BAHCC1: variants seen among roughly 807,000 people sequenced by gnomAD.
BAHCC1 encodes BAH domain and coiled-coil containing 1.
In BAHCC1, 43 loss-of-function variants were observed where a neutral mutation model predicts 88.2. The observed-to-expected ratio is 0.49, with a 90% CI of 0.38 to 0.63. BAHCC1 has a LOEUF of 0.63. BAHCC1 is among the 20% of genes least tolerant of loss of function. BAHCC1 has a pLI of 0.00. For synonymous variants in BAHCC1, 1,510 were observed against 745.5 expected (o/e 2.03, Z -16.71); for missense variants, 3,023 against 1,654.8 (o/e 1.83, Z -14.34).
At chr17:81,438,698 TTCAGTTCCCAGGTCACGCTGTC>T (rs1361697598) in intron 4 of BAHCC1, among the ~76,000 whole-genome samples, 1 of 152,086 alleles carries the variant, frequency 6.6e-6, no homozygotes, top group Admixed American at 6.5e-5. Flanking sequence ...CAGGCGCAGG[TTCAGTTCCCAGGTCACGCTGTC>T]TCAAGACCTC....
chr17:81,453,818 CCTCA>C (rs1386718464), intron 14 of BAHCC1, among the ~76,000 whole-genome samples: 1 of 152,240 alleles, frequency 6.6e-6, no homozygotes. Context: ...CACCTCCTGC[CCTCA>C]CTCATCCAGG....
intron 2 of BAHCC1, chr17:81,401,704 C>G (rs1398325780): frequency 6.6e-6 from 1 of 152,318 alleles, no homozygotes; most frequent in East Asian, 1.9e-4. Flanking sequence ...TCCAGCCTGG[C>G]AAGTAACAGC....
Position 81,411,081 on chromosome 17 carries a change from C to T in BAHCC1, c.178+11164C>T. On this transcript the variant is annotated intron_variant, in intron 2 of 27. Transcript: ENST00000675386. The surrounding 1 kb of genome is among the most constrained non-coding windows in gnomAD (Gnocchi z 6.2). The stretch of plus-strand genomic sequence containing the variant: ...CCTCGGGCCTGAGGGGTCCCTCTCT[C>T]TGGGGTCACGCTCCCTTGTTCTCAG... 2 of 519,384 alleles carry T rather than the reference C, an allele frequency of 3.9e-6. No homozygotes were observed. Among genetic ancestry groups the T allele is most frequent in the South Asian group, 2.8e-5 (2 of 71,576 alleles). 32.2% of individuals were successfully genotyped at this position (519,384 alleles called of 1,614,324 possible).
Position 81,456,453 on chromosome 17 carries a change from C to T in BAHCC1, c.4726C>T (p.Arg1576Trp), listed in dbSNP as rs2064751573. ...QKEATPGGRI[R>W]EKLSRAKSAK... ...GGAGGCTACCCCCGGGGGGCGCATC[C>T]GGGAGAAGCTGTCCCGAGCCAAGAG... Residue 1576 changes from arginine to tryptophan, a missense_variant, in exon 16 of 28, where the codon CGG becomes TGG. Coordinates refer to ENST00000675386, the MANE Select transcript of BAHCC1 (RefSeq NM_001377448.1). The T allele has an allele frequency of 9.7e-6, 7 of 722,082 alleles. No homozygotes were observed. Among genetic ancestry groups the T allele is most frequent in the Non-Finnish European group, 1.3e-5 (5 of 388,048 alleles). 44.7% of individuals were successfully genotyped at this position (722,082 alleles called of 1,614,324 possible). A position where few individuals can be genotyped will look rare whatever the true frequency, so the allele number is the denominator to read the frequency against.
chr17:81,414,777 G>A (rs1301018180), intron 2 of BAHCC1, among the ~76,000 whole-genome samples: 8 of 152,172 alleles, frequency 5.3e-5, no homozygotes, highest in South Asian at 2.1e-4. Flanking sequence ...CCAAGGCCCC[G>A]GGACGGGGTG....
At chr17:81,403,325 C>A (rs1555646363) in intron 2 of BAHCC1, among the ~76,000 whole-genome samples, 1 of 152,194 alleles carries the variant, frequency 6.6e-6, no homozygotes, top group Admixed American at 6.5e-5. Context: ...CCTCCCGCCC[C>A]TTCTCTTGTC....
intron 2 of BAHCC1, among the ~76,000 whole-genome samples, chr17:81,405,247 G>A (rs2063864525): frequency 6.6e-6 from 1 of 152,074 alleles, no homozygotes; most frequent in African/African-American, 2.4e-5. Flanking sequence ...TGTATTTTTA[G>A]TAGAGACGGG....
intron 13 of BAHCC1, 26 bp downstream of exon 13, chr17:81,452,133 TGGGAGGGTCGCAGCACCCCCACCCCC>T (rs142997686): frequency 0.36 from 214,892 of 589,786 alleles, 40,406 homozygotes; most frequent in Non-Finnish European, 0.38. Flanking sequence ...CGGGGGGGCC[TGGGAGGGTCGCAGCACCCCCACCCCC>T]GGGAGGCGCC....
At chr17:81,426,765 C>T (rs1031878187) in intron 2 of BAHCC1, 35 bp from the exon 3 acceptor site, 13 of 398,438 alleles carry the variant, frequency 3.3e-5, no homozygotes, top group African/African-American at 2.7e-4. Context: ...ACCCTGGGAG[C>T]TGCCCCCAGA....
rs2063951961 is a variant in BAHCC1 at position 81,411,510 on chromosome 17, G to GCCTTCCTT, written c.178+11596_178+11597insTCCTTCCT. 46 of 241,066 alleles carry GCCTTCCTT rather than the reference G, an allele frequency of 1.9e-4. No individual in the cohort carries two copies. The highest frequency in any genetic ancestry group is 7.1e-4 in the African/African-American group (18 of 25,214). The allele number at this position is 241,066 out of a possible 1,614,324, so 14.9% of individuals were successfully genotyped here. A position where few individuals can be genotyped will look rare whatever the true frequency, so the allele number is the denominator to read the frequency against. On this transcript the variant is annotated intron_variant, in intron 2 of 27. Transcript: ENST00000675386. This position sits in a 1 kb window ranked among gnomAD's most constrained non-coding sequence, Gnocchi z 6.2. ...TGCCTGCCTGCCTGCCTGCCTGCCTGCCTGCCTTCCTTCCTTCCTTCCTTC... is the reference window on the plus strand; with the variant it reads ...TGCCTGCCTGCCTGCCTGCCTGCCTGCCTTCCTTCCTGCCTTCCTTCCTTCCTTCCTTC...
At chr17:81,415,983 T>C (rs1555648596) in intron 2 of BAHCC1, among the ~76,000 whole-genome samples, 1 of 152,142 alleles carries the variant, frequency 6.6e-6, no homozygotes, top group Non-Finnish European at 1.5e-5. Context: ...CGTGTGCGTG[T>C]GTCCATGAGG....
chr17:81,462,994 G>T lies in BAHCC1; in HGVS notation c.7620+18G>T. 1.3e-6 allele frequency: 1 copy of T among 776,626 alleles called. No homozygotes were observed. Among genetic ancestry groups the T allele is most frequent in the South Asian group, 1.3e-5 (1 of 74,402 alleles). 48.1% of individuals were successfully genotyped at this position (776,626 alleles called of 1,614,324 possible). A position where few individuals can be genotyped will look rare whatever the true frequency, so the allele number is the denominator to read the frequency against. On this transcript the variant is annotated intron_variant, in intron 27 of 27. Transcript: ENST00000675386. ...ACGGCAAGGTGAGGCCCGGACAGGTGTGGGGCCCAGCCCCCCTCGGGGCCC... is the reference window on the plus strand; with the variant it reads ...ACGGCAAGGTGAGGCCCGGACAGGTTTGGGGCCCAGCCCCCCTCGGGGCCC...
Position 81,418,575 on chromosome 17 carries a change from G to A in BAHCC1, c.179-8225G>A, listed in dbSNP as rs782635367. On this transcript the variant is annotated intron_variant, in intron 2 of 27. Transcript: ENST00000675386. ...CAGGGCAGCTGTTCATCCCGGTGCC[G>A]CTTCAATGCCACCTTTTGCACAGCG... Among the ~76,000 whole-genome samples the A allele has an allele frequency of 9.2e-5, 14 of 152,262 alleles. 1 individual carries two copies. The East Asian group carries it at 9.6e-4, about 10-fold the overall frequency.
At chr17:81,401,166 G>A (rs1250847533) in intron 2 of BAHCC1, 1 of 152,280 alleles carries the variant, frequency 6.6e-6, no homozygotes, top group Non-Finnish European at 1.5e-5. Context: ...AAAAAGGGAG[G>A]GCACTCAAAG....
intron 2 of BAHCC1, among the ~76,000 whole-genome samples, chr17:81,416,065 G>T (rs80348673): frequency 6.7e-6 from 1 of 149,372 alleles, no homozygotes; most frequent in East Asian, 2.0e-4. Flanking sequence ...TGTCCATGAG[G>T]ATGGGTGTAT....
chr17:81,454,486 G>C (rs923744271), intron 14 of BAHCC1, among the ~76,000 whole-genome samples: 1 of 152,166 alleles, frequency 6.6e-6, no homozygotes, highest in African/African-American at 2.4e-5. Flanking sequence ...GCCTGAGCCC[G>C]GCAACGGGGT....
chr17:81,442,208 A>G lies in BAHCC1; in HGVS notation c.859A>G (p.Thr287Ala), dbSNP rs1050885053. The stretch of plus-strand genomic sequence containing the variant: ...GCACCTCACCTCCTGCCTCCTCAAC[A>G]CCAAGGTGCTCAACGGCGAGATGGG... Reference protein sequence around the residue: ...PKHLTSCLLNTKVLNGEMGRA... With the variant: ...PKHLTSCLLNAKVLNGEMGRA... The change falls in exon 5 of 28, where the codon ACC becomes GCC. Residue 287 changes from threonine (T) to alanine (A), a missense_variant. Thr to Ala is a moderately conservative substitution (Grantham distance 58). Coordinates refer to ENST00000675386, the MANE Select transcript of BAHCC1 (RefSeq NM_001377448.1). The G allele has an allele frequency of 1.4e-5, 9 of 654,396 alleles. No individual in the cohort carries two copies. Among genetic ancestry groups the G allele is most frequent in the South Asian group, 3.4e-5 (2 of 58,426 alleles). 40.5% of individuals were successfully genotyped at this position (654,396 alleles called of 1,614,324 possible). A position where few individuals can be genotyped will look rare whatever the true frequency, so the allele number is the denominator to read the frequency against.
intron 3 of BAHCC1, among the ~76,000 whole-genome samples, chr17:81,427,494 C>T (rs2064214147): frequency 2.0e-5 from 3 of 152,312 alleles, no homozygotes; most frequent in South Asian, 4.1e-4. Flanking sequence ...CCTGGACACA[C>T]AGTAGGTGCC....
rs577039269 is a variant in BAHCC1, at chr17:81,451,335, G to A, written c.3977-333G>A. The A allele has an allele frequency of 1.7e-5, 5 of 286,174 alleles. No individual in the cohort carries two copies. The South Asian group carries it at 3.8e-4, about 22-fold the overall frequency. The allele number at this position is 286,174 out of a possible 1,614,324, so 17.7% of individuals were successfully genotyped here. On this transcript the variant is annotated intron_variant, in intron 11 of 27. Coordinates refer to ENST00000675386, the MANE Select transcript of BAHCC1 (RefSeq NM_001377448.1). ...TCGAAGCAGGGCCCCCCCGGTGGGGGGACACACAGGCGTTTCTGTTAGAAG... is the reference window on the plus strand; with the variant it reads ...TCGAAGCAGGGCCCCCCCGGTGGGGAGACACACAGGCGTTTCTGTTAGAAG...
Sources: gnomAD v4.1 joint callset for allele counts (sites outside exome capture counted in the v4.1 genomes callset) on GRCh38, gnomAD v4.1.1 for gene constraint, Gnocchi (gnomAD v3.1) non-coding constraint, MANE v1.5 for transcripts, NCBI Gene and HGNC (gene_info 2026-07-23, HGNC 2026-07-21) for gene names.